XPO5: variants seen among roughly 807,000 people sequenced by gnomAD.
XPO5 encodes exportin-5.
Under a neutral mutation model 160.6 loss-of-function variants are expected in XPO5, and 46 were observed. That is an observed-to-expected ratio of 0.29 (90% CI 0.23 to 0.37). The LOEUF (loss-of-function observed/expected upper bound fraction) is 0.37. Ranked by LOEUF, XPO5 falls within the 10% of genes least tolerant of loss-of-function variation. The pLI is 1.00. For synonymous variants in XPO5, 537 were observed against 519.3 expected (o/e 1.03, Z -0.46); for missense variants, 1,090 against 1,463.9 (o/e 0.74, Z 4.17).
At chr6:43,526,785 G>T (rs755075375) in intron 26 of XPO5, 38 bp from the exon 27 acceptor site, 1 of 1,603,326 alleles carries the variant, frequency 6.2e-7, no homozygotes, top group Non-Finnish European at 8.5e-7. Flanking sequence ...TGAAGGGTGG[G>T]TATATACTAC....
At chr6:43,531,711 TACGTGATTTGCTGC>T in intron 21 of XPO5, 136 bp from the exon 22 acceptor site, 1 of 738,116 alleles carries the variant, frequency 1.4e-6, no homozygotes, top group Middle Eastern at 2.4e-4. Flanking sequence ...AGCAGTTGGC[TACGTGATTTGCTGC>T]ACTCTTTTGG....
intron 20 of XPO5, among the ~76,000 whole-genome samples, chr6:43,544,506 C>A (rs1437797985): frequency 6.6e-6 from 1 of 152,190 alleles, no homozygotes; most frequent in East Asian, 1.9e-4. Flanking sequence ...CCTGTTTCCA[C>A]GTCTGGGTTG....
intron 9 of XPO5, chr6:43,561,605 T>C (rs3757266): frequency 0.19 from 28,627 of 152,958 alleles, 5,748 homozygotes; most frequent in African/African-American, 0.51. Flanking sequence ...TCTCAAACTC[T>C]TGACCTCAGG....
chr6:43,570,387 C>G, intron 5 of XPO5, 115 bp downstream of exon 5: 9 of 696,886 alleles, frequency 1.3e-5, no homozygotes, highest in African/African-American at 1.9e-5. Flanking sequence ...TATTTTTTTG[C>G]TTATAAAATA....
chr6:43,537,703 T>C (rs1464195879), intron 20 of XPO5, among the ~76,000 whole-genome samples: 1 of 152,104 alleles, frequency 6.6e-6, no homozygotes, highest in South Asian at 2.1e-4. Context: ...ACTCCAGAGA[T>C]GCAATCATCA....
rs770923561 is a variant in XPO5, at chr6:43,575,766, G to A, written c.99C>T (p.Ala33=). 5 of 1,612,960 alleles carry A rather than the reference G, an allele frequency of 3.1e-6. No individual in the cohort carries two copies. In the East Asian group the frequency reaches 8.9e-5, roughly 29 times the overall value. The change falls in exon 1 of 32, where the codon GCC becomes GCT. Residue 33 remains alanine, a synonymous_variant. Coordinates refer to ENST00000265351, the MANE Select transcript of XPO5 (RefSeq NM_020750.3). The part of the protein sequence containing the change: ...PNSTQRYRLE[A]LKFCEEFKEK... Reference sequence around the variant, plus strand: ...ACGCCAGGACCCCAGCTACCTTGAGGGCTTCCAGCCGGTAGCGCTGGGTGG... The same window carrying A: ...ACGCCAGGACCCCAGCTACCTTGAGAGCTTCCAGCCGGTAGCGCTGGGTGG...
chr6:43,532,662 C>T (rs556112476), intron 21 of XPO5, among the ~76,000 whole-genome samples: 2 of 152,310 alleles, frequency 1.3e-5, no homozygotes, highest in Admixed American at 6.5e-5. Flanking sequence ...CTAGCTAGTT[C>T]GTACTCATCC....
Position 43,557,227 on chromosome 6 carries a change from C to T in XPO5, c.1313-1263G>A, listed in dbSNP as rs1333513565. ...GGATCACGAGGTCAGGAGATTGAGA[C>T]CATCCTGGCTAACACAGTGAAACCC... On this transcript the variant is annotated intron_variant, in intron 12 of 31. Coordinates refer to ENST00000265351, the MANE Select transcript of XPO5 (RefSeq NM_020750.3). Among the ~76,000 whole-genome samples the T allele has an allele frequency of 2.0e-5, 3 of 150,986 alleles. No homozygotes were observed. In the East Asian group the frequency reaches 5.8e-4, roughly 29 times the overall value.
chr6:43,570,330 A>G (rs868026542), intron 5 of XPO5, among the ~76,000 whole-genome samples, 172 bp downstream of exon 5: 74 of 150,024 alleles, frequency 4.9e-4, no homozygotes, highest in East Asian at 1.9e-3. Flanking sequence ...AAAAAAAAAA[A>G]AAAGAAAGAA....
Position 43,546,554 on chromosome 6 carries a change from C to T in XPO5, c.2342+17G>A. On this transcript the variant is annotated intron_variant, in intron 20 of 31. Transcript: ENST00000265351. Reference sequence around the variant, plus strand: ...TAAAGTAGAAAACAACAGAGAAAAGCCATTATTCTGACTCACCTTATAAGC... The same window carrying T: ...TAAAGTAGAAAACAACAGAGAAAAGTCATTATTCTGACTCACCTTATAAGC... 1 of 1,591,422 alleles carries T rather than the reference C, an allele frequency of 6.3e-7. No individual in the cohort carries two copies. The highest frequency in any genetic ancestry group is 8.5e-7 in the Non-Finnish European group (1 of 1,171,264).
chr6:43,530,695 G>A lies in XPO5; in HGVS notation c.2670C>T (p.Pro890=). ...LNNIPDYRLR[P]MLRVFVKPLV... ...AGACTTTTGAAAGGATATGAAGCATGGGTCTGAGTCGGTAGTCAGGAATAT... is the reference window on the plus strand; with the variant it reads ...AGACTTTTGAAAGGATATGAAGCATAGGTCTGAGTCGGTAGTCAGGAATAT... The change falls in exon 23 of 32, where the codon CCC becomes CCT. Residue 890 remains proline, a synonymous_variant. Transcript: ENST00000265351. 2 of 1,613,618 alleles carry A rather than the reference G, an allele frequency of 1.2e-6. No homozygotes were observed. Among genetic ancestry groups the A allele is most frequent in the African/African-American group, 1.3e-5 (1 of 75,024 alleles).
intron 11 of XPO5, chr6:43,558,812 A>T: frequency 2.3e-6 from 1 of 435,608 alleles, no homozygotes; most frequent in Non-Finnish European, 4.1e-6. Context: ...AGTTGATACC[A>T]TCCTCCAAGT....
At chr6:43,565,524 C>T (rs1253980300) in intron 8 of XPO5, 136 bp downstream of exon 8, 9 of 694,598 alleles carry the variant, frequency 1.3e-5, no homozygotes, top group Middle Eastern at 4.1e-4. Flanking sequence ...AAGATCGCGC[C>T]ACTGCACTCC....
intron 1 of XPO5, among the ~76,000 whole-genome samples, chr6:43,574,895 G>A (rs938418741): frequency 1.3e-5 from 2 of 150,478 alleles, no homozygotes; most frequent in South Asian, 2.1e-4. Context: ...TCTACATATT[G>A]TAACATTTCC....
chr6:43,551,187 T>C, intron 15 of XPO5, 111 bp downstream of exon 15: 1 of 1,189,578 alleles, frequency 8.4e-7, no homozygotes, highest in Non-Finnish European at 1.1e-6. Flanking sequence ...GACTAGTAAT[T>C]TGAGTCCAGC....
intron 19 of XPO5, 97 bp from the exon 20 acceptor site, chr6:43,546,849 C>G: frequency 1.7e-6 from 2 of 1,175,604 alleles, no homozygotes; most frequent in Non-Finnish European, 2.3e-6. Flanking sequence ...AAAAGTGACA[C>G]AGAGGCCAGA....
chr6:43,543,821 C>T (rs1315829933), intron 20 of XPO5, among the ~76,000 whole-genome samples: 10 of 151,976 alleles, frequency 6.6e-5, no homozygotes, highest in Non-Finnish European at 1.3e-4. Flanking sequence ...GGATTACAGG[C>T]GCCCGCCACC....
intron 19 of XPO5, among the ~76,000 whole-genome samples, chr6:43,547,144 C>T (rs1392541341): frequency 2.0e-5 from 3 of 152,304 alleles, no homozygotes; most frequent in East Asian, 3.9e-4. Context: ...TCCCCCCTCA[C>T]GGTACTCTGA....
chr6:43,549,830 A>G, intron 16 of XPO5, 63 bp downstream of exon 16: 1 of 1,488,404 alleles, frequency 6.7e-7, no homozygotes. Flanking sequence ...TAAACTGAGT[A>G]TCAGGTATTC....
Sources: gnomAD v4.1 joint callset for allele counts (sites outside exome capture counted in the v4.1 genomes callset) on GRCh38, gnomAD v4.1.1 for gene constraint, MANE v1.5 for transcripts, NCBI Gene and HGNC (gene_info 2026-07-23, HGNC 2026-07-21) for gene names.